The following STK32B variants were observed in gnomAD, a reference collection of about 807,000 sequenced individuals.
STK32B encodes serine/threonine-protein kinase 32B.
A neutral mutation model predicts 52.6 loss-of-function variants in STK32B; 43 were observed. That is an observed-to-expected ratio of 0.82 (90% CI 0.64 to 1.05). The LOEUF (loss-of-function observed/expected upper bound fraction) is 1.05. Ranked by LOEUF, STK32B falls within the 50% of genes least tolerant of loss-of-function variation. The probability of loss-of-function intolerance (pLI) is 0.00; values close to 1 mark genes in which losing one functional copy is unlikely to be tolerated. For missense variants in STK32B, 621 were observed against 534.6 expected (o/e 1.16, Z -1.59); for synonymous variants, 238 against 204.3 (o/e 1.17, Z -1.41).
chr4:5,026,796 A>G, the STK32B span, among the ~76,000 whole-genome samples: 3 of 152,184 alleles, frequency 2.0e-5, no homozygotes, highest in Non-Finnish European at 4.4e-5. Context: ...CCAGGCTGAA[A>G]TGGACATCAC....
intron 3 of STK32B, among the ~76,000 whole-genome samples, chr4:5,196,334 GTTTTTTTTTTTTT>G (rs35605834): frequency 6.6e-4 from 58 of 87,694 alleles, no homozygotes; most frequent in African/African-American, 2.9e-3. Context: ...TCTTTCTTCA[GTTTTTTTTTTTTT>G]TTTTTTTTTT....
At chr4:5,401,768 CT>C (rs1183686702) in intron 5 of STK32B, among the ~76,000 whole-genome samples, 3 of 152,204 alleles carry the variant, frequency 2.0e-5, no homozygotes, top group African/African-American at 7.2e-5. Context: ...TATTGATTTT[CT>C]ATTGGTACAA....
At chr4:5,483,614 T>A (rs1300653045) in intron 11 of STK32B, among the ~76,000 whole-genome samples, 3 of 152,202 alleles carry the variant, frequency 2.0e-5, no homozygotes, top group African/African-American at 7.2e-5. Context: ...CTTAGTTATT[T>A]CTTGCCTTCT....
At chr4:5,085,120 G>A (rs564855961) in intron 1 of STK32B, among the ~76,000 whole-genome samples, 1 of 152,246 alleles carries the variant, frequency 6.6e-6, no homozygotes, top group Admixed American at 6.5e-5. Flanking sequence ...CCTGCAGTAT[G>A]GTTTACAGGA....
At chr4:5,322,634 G>GT (rs1305423648) in intron 3 of STK32B, among the ~76,000 whole-genome samples, 1 of 152,218 alleles carries the variant, frequency 6.6e-6, no homozygotes, top group East Asian at 1.9e-4. Flanking sequence ...AAGTGGCATT[G>GT]TGCTGCCTGG....
intron 1 of STK32B, among the ~76,000 whole-genome samples, chr4:5,076,637 C>T (rs1712091539): frequency 1.3e-5 from 2 of 152,168 alleles, no homozygotes; most frequent in African/African-American, 4.8e-5. Flanking sequence ...ATATAATCTG[C>T]ATTTCGCATC....
At chr4:5,362,185 A>G (rs182738844) in intron 4 of STK32B, among the ~76,000 whole-genome samples, 3 of 152,280 alleles carry the variant, frequency 2.0e-5, no homozygotes, top group Non-Finnish European at 4.4e-5. Flanking sequence ...GAAAATAGAC[A>G]TTTTACTTGT....
chr4:5,299,128 T>C (rs909503433), intron 3 of STK32B, among the ~76,000 whole-genome samples: 1 of 151,834 alleles, frequency 6.6e-6, no homozygotes, highest in Non-Finnish European at 1.5e-5. Flanking sequence ...GGGCTGCACC[T>C]ACTGTCTAAC....
chr4:5,172,073 G>T (rs529741973), intron 3 of STK32B, among the ~76,000 whole-genome samples: 2 of 151,562 alleles, frequency 1.3e-5, no homozygotes, highest in African/African-American at 4.8e-5. Context: ...TGAAGCAATT[G>T]AGAATGGGAG....
rs183937220 is a variant in STK32B at position 5,489,648 on chromosome 4, G to A, written c.1107-9297G>A. Among the ~76,000 whole-genome samples the A allele has an allele frequency of 2.7e-3, 414 of 151,134 alleles. 5 individuals carry two copies. The highest frequency in any genetic ancestry group is 9.5e-3 in the African/African-American group (392 of 41,432). On this transcript the variant is annotated intron_variant, in intron 11 of 11. Transcript: ENST00000282908. ...TTTTTATTATTTTTTTTGAGATGGA[G>A]TCTTGCTTTCTCACCAGGCTGGAGT...
At chr4:5,203,358 A>C (rs4689203) in intron 3 of STK32B, among the ~76,000 whole-genome samples, 1 of 151,604 alleles carries the variant, frequency 6.6e-6, no homozygotes, top group Admixed American at 6.6e-5. Context: ...ATTTTTGCCC[A>C]TTCTATTCCC....
intron 6 of STK32B, among the ~76,000 whole-genome samples, chr4:5,444,582 GC>G (rs1248331681): frequency 6.6e-6 from 1 of 152,208 alleles, no homozygotes; most frequent in African/African-American, 2.4e-5. Context: ...CACACTGGGA[GC>G]TGTTGACCGG....
At chr4:5,115,588 G>C (rs1224124591) in intron 1 of STK32B, among the ~76,000 whole-genome samples, 1 of 152,198 alleles carries the variant, frequency 6.6e-6, no homozygotes, top group Non-Finnish European at 1.5e-5. Flanking sequence ...AACTGGAGAA[G>C]TGTAACCTGG....
intron 11 of STK32B, among the ~76,000 whole-genome samples, chr4:5,498,269 G>T (rs1042063671): frequency 6.6e-6 from 1 of 152,212 alleles, no homozygotes; most frequent in African/African-American, 2.4e-5. Context: ...ATCAGAAACA[G>T]AGGGATATTG....
intron 1 of STK32B, among the ~76,000 whole-genome samples, chr4:5,122,812 C>G (rs887802605): frequency 6.6e-6 from 1 of 152,138 alleles, no homozygotes; most frequent in Non-Finnish European, 1.5e-5. Flanking sequence ...TCCCTTGCTG[C>G]ACTCTCCTGC....
chr4:5,076,633 T>G (rs1712091160), intron 1 of STK32B, among the ~76,000 whole-genome samples: 1 of 152,204 alleles, frequency 6.6e-6, no homozygotes. Flanking sequence ...ACCAATATAA[T>G]CTGCATTTCG....
intron 3 of STK32B, among the ~76,000 whole-genome samples, chr4:5,174,682 G>C (rs189899417): frequency 0.015 from 2,220 of 152,332 alleles, 32 homozygotes; most frequent in Middle Eastern, 0.068. Context: ...CTGGTAGGTT[G>C]ATGGGCTTCC....
chr4:5,138,853 C>A (rs770190338), intron 1 of STK32B, among the ~76,000 whole-genome samples: 1 of 152,160 alleles, frequency 6.6e-6, no homozygotes, highest in African/African-American at 2.4e-5. Flanking sequence ...AGTAGCTGCT[C>A]TCACGTGTCT....
chr4:5,178,208 T>A (rs1485415223), intron 3 of STK32B, among the ~76,000 whole-genome samples: 1 of 152,218 alleles, frequency 6.6e-6, no homozygotes, highest in Non-Finnish European at 1.5e-5. Flanking sequence ...AAACCTCAGT[T>A]CTTGATTTCT....
Sources: gnomAD v4.1 joint callset for allele counts (sites outside exome capture counted in the v4.1 genomes callset) on GRCh38, gnomAD v4.1.1 for gene constraint, MANE v1.5 for transcripts, NCBI Gene and HGNC (gene_info 2026-07-23, HGNC 2026-07-21) for gene names.